Variants in RASL11A observed in about 807,000 individuals in gnomAD.
The protein encoded by RASL11A is ras-like protein family member 11A.
RASL11A carries 14 observed loss-of-function variants against 17.1 expected under a neutral mutation model. That is an observed-to-expected ratio of 0.82 (90% CI 0.54 to 1.28). The LOEUF is 1.28. Among genes scored for constraint, RASL11A ranks in the 50% most tolerant of loss-of-function variants. The pLI is 0.00. For synonymous variants in RASL11A, 146 were observed against 132.5 expected, an observed-to-expected ratio of 1.10 and a Z score of -0.70; for missense variants, 283 against 312.3, an observed-to-expected ratio of 0.91 and a Z score of 0.71.
At chr13:27,272,832 T>G (rs2137926695) in intron 3 of RASL11A, among the ~76,000 whole-genome samples, 195 bp from the exon 4 acceptor site, 1 of 152,270 alleles carries the variant, frequency 6.6e-6, no homozygotes, top group East Asian at 1.9e-4. Flanking sequence ...ATAAAGTAAC[T>G]CAGGCAGGGA....
At chr13:27,272,980 C>G in intron 3 of RASL11A, 47 bp from the exon 4 acceptor site, 1 of 1,490,406 alleles carries the variant, frequency 6.7e-7, no homozygotes, top group South Asian at 1.1e-5. Flanking sequence ...GAGTTTATCT[C>G]CCACTGAGGG....
At chr13:27,272,604 C>A (rs1372494796) in intron 3 of RASL11A, among the ~76,000 whole-genome samples, 1 of 152,224 alleles carries the variant, frequency 6.6e-6, no homozygotes, top group Non-Finnish European at 1.5e-5. Context: ...AAAGGAATTT[C>A]TTTCTGTAAC....
rs752692361 is a variant in RASL11A at position 27,273,243 on chromosome 13, C to G, written c.478C>G (p.Gln160Glu). ...TTTGCATGCCCGGCAGGTGCAGACA[C>G]AGGACGGTATTCAGCTAGCCAATGA... ...DLLHARQVQT[Q>E]DGIQLANELG... Residue 160 changes from glutamine to glutamate, a missense_variant, in exon 4 of 4, where the codon CAG (glutamine) becomes GAG (glutamate). Physicochemically the swap from Gln to Glu is conservative, Grantham distance 29. Transcript: ENST00000241463. The G allele has an allele frequency of 1.5e-5, 25 of 1,614,114 alleles. No homozygotes were observed. The highest frequency in any genetic ancestry group is 2.7e-5 in the African/African-American group (2 of 74,942).
Position 27,273,184 on chromosome 13 carries a change from C to A in RASL11A, c.419C>A (p.Ala140Asp). 6.2e-7 allele frequency: 1 copy of A among 1,614,228 alleles called. No homozygotes were observed. Among genetic ancestry groups the A allele is most frequent in the Non-Finnish European group, 8.5e-7 (1 of 1,180,048 alleles). ...CGGAAGGTCCACCCTGACTCTAAAGCCCCTGTCATCATCGTGGGCAACAAG... is the reference window on the plus strand; with the variant it reads ...CGGAAGGTCCACCCTGACTCTAAAGACCCTGTCATCATCGTGGGCAACAAG... ...HIRKVHPDSK[A>D]PVIIVGNKGD... The change falls in exon 4 of 4, where the codon GCC becomes GAC. Residue 140 changes from alanine to aspartate, a missense_variant. Ala to Asp is a moderately radical substitution (Grantham distance 126, BLOSUM62 -2). Coordinates refer to ENST00000241463, the MANE Select transcript of RASL11A (RefSeq NM_206827.2).
At chr13:27,271,358 G>T in intron 1 of RASL11A, 126 bp from the exon 2 acceptor site, 1 of 1,528,760 alleles carries the variant, frequency 6.5e-7, no homozygotes. Context: ...CCACGGCTTT[G>T]CGGAGCCTCT....
Position 27,271,289 on chromosome 13 carries a change from CG to C in RASL11A, c.125-191del. ...GATCTCGGCGGGATTGGCGCCTGTTCGGGGATGGGGTGCGGGAGAGGTGTCC... is the reference window on the plus strand; with the variant it reads ...GATCTCGGCGGGATTGGCGCCTGTTCGGGATGGGGTGCGGGAGAGGTGTCC... On this transcript the variant is annotated intron_variant, in intron 1 of 3. Coordinates refer to ENST00000241463, the MANE Select transcript of RASL11A (RefSeq NM_206827.2). 6.9e-6 allele frequency: 10 copies of C among 1,449,560 alleles called. No individual in the cohort carries two copies. The South Asian group carries it at 1.0e-4, about 15-fold the overall frequency. The allele number at this position is 1,449,560 out of a possible 1,614,324, so 89.8% of individuals were successfully genotyped here. A position where few individuals can be genotyped will look rare whatever the true frequency, so the allele number is the denominator to read the frequency against.
Position 27,271,049 on chromosome 13 carries a change from C to G in RASL11A, c.105C>G (p.Ala35=). The change falls in exon 1 of 4, where the codon GCC becomes GCG. Residue 35 remains alanine, a synonymous_variant. Transcript: ENST00000241463. ...ACATCAAACTGGCGGTGCTGGGCGCCGGCCGCGTGGGCAAGAGCGGTGAGT... is the reference window on the plus strand; with the variant it reads ...ACATCAAACTGGCGGTGCTGGGCGCGGGCCGCGTGGGCAAGAGCGGTGAGT... ...PKDIKLAVLG[A]GRVGKSAMIV... 1 of 1,577,968 alleles carries G rather than the reference C, an allele frequency of 6.3e-7. No individual in the cohort carries two copies. Among genetic ancestry groups the G allele is most frequent in the Non-Finnish European group, 8.6e-7 (1 of 1,161,848 alleles).
chr13:27,272,949 G>C (rs1882338391), intron 3 of RASL11A, 78 bp from the exon 4 acceptor site: 8 of 1,132,492 alleles, frequency 7.1e-6, no homozygotes, highest in Non-Finnish European at 1.0e-5. Context: ...GTTTCTTCAA[G>C]GGTTGCCTTG....
chr13:27,274,511 A>G lies in RASL11A; in HGVS notation c.*1017A>G, dbSNP rs1882418825. ...ACACACCAGCAGTCAGTCCATTCCA[A>G]CAGATTGTCTTTCTCAGCTGCTCCA... On this transcript the variant is annotated 3_prime_UTR_variant, in exon 4 of 4. Transcript: ENST00000241463. Among the ~76,000 whole-genome samples, 1 of 152,112 alleles carries G rather than the reference A, an allele frequency of 6.6e-6. No individual in the cohort carries two copies. Among genetic ancestry groups the G allele is most frequent in the South Asian group, 2.1e-4 (1 of 4,824 alleles).
Position 27,273,096 on chromosome 13 carries a change from CT to C in RASL11A, c.332del (p.Leu111ArgfsTer55). 2 of 1,614,178 alleles carry C rather than the reference CT, an allele frequency of 1.2e-6. No homozygotes were observed. The highest frequency in any genetic ancestry group is 1.7e-6 in the Non-Finnish European group (2 of 1,180,034). On this transcript the variant is annotated frameshift_variant, in exon 4 of 4. Coordinates refer to ENST00000241463, the MANE Select transcript of RASL11A (RefSeq NM_206827.2). LOFTEE classifies it high-confidence loss of function. ...CGTGCAGTGGGCCGAGGGTTTTCTG[CT>C]GGTCTATTCCATCACAGACTATGAC... ...KCVQWAEGFL[L>X]VYSITDYDSY...
At chr13:27,271,347 A>G (rs1882278361) in intron 1 of RASL11A, 137 bp from the exon 2 acceptor site, 3 of 1,510,600 alleles carry the variant, frequency 2.0e-6, no homozygotes, top group African/African-American at 2.8e-5. Flanking sequence ...AGCCCGCGGC[A>G]CCACGGCTTT....
At position 27,274,851 on chromosome 13, in the gene RASL11A, A is replaced by C. The variant is rs1483283326; in HGVS notation, c.*1357A>C. On this transcript the variant is annotated 3_prime_UTR_variant, in exon 4 of 4. Coordinates refer to ENST00000241463, the MANE Select transcript of RASL11A (RefSeq NM_206827.2). ...AGTGGTAAGTTTTAAGTAAACATAT[A>C]ATGAATAAATGAATGAATGCACCAC... Among the ~76,000 whole-genome samples the C allele has an allele frequency of 2.6e-5, 4 of 152,128 alleles. No homozygotes were observed. The highest frequency in any genetic ancestry group is 9.7e-5 in the African/African-American group (4 of 41,364).
At chr13:27,271,230 C>T in intron 1 of RASL11A, 162 bp downstream of exon 1, 1 of 1,448,216 alleles carries the variant, frequency 6.9e-7, no homozygotes. Flanking sequence ...TCCCGGCCTG[C>T]TTCCCTGGCG....
rs1318643659 is a variant in RASL11A, at chr13:27,274,004, A to G, written c.*510A>G. 6.6e-6 allele frequency among the ~76,000 whole-genome samples: 1 copy of G among 152,086 alleles called. No homozygotes were observed. Among genetic ancestry groups the G allele is most frequent in the Admixed American group, 6.5e-5 (1 of 15,270 alleles). On this transcript the variant is annotated 3_prime_UTR_variant, in exon 4 of 4. Coordinates refer to ENST00000241463, the MANE Select transcript of RASL11A (RefSeq NM_206827.2). ...CCAGTCATGAAATTGACACTGTGTG[A>G]TTTTCAAGGGAAGGGGTACAATGCT...
At chr13:27,271,572 G>A (rs1170284444) in intron 2 of RASL11A, 32 bp downstream of exon 2, 2 of 1,613,668 alleles carry the variant, frequency 1.2e-6, no homozygotes, top group Admixed American at 3.3e-5. Flanking sequence ...CTGCTTTTAT[G>A]CTTGCGTGTT....
rs918738900 is a variant in RASL11A, at chr13:27,273,283, TC to T, written c.520del (p.Glu175LysfsTer22). On this transcript the variant is annotated frameshift_variant, in exon 4 of 4. Transcript: ENST00000241463. LOFTEE classifies it high-confidence loss of function. ...IQLANELGSL[F>X]LEISTSENYE... ...CTAGCCAATGAGCTGGGCAGCCTGT[TC>T]CTTGAAATTTCCACTAGCGAAAACT... The T allele has an allele frequency of 1.2e-6, 2 of 1,614,120 alleles. No individual in the cohort carries two copies. The highest frequency in any genetic ancestry group is 1.3e-5 in the African/African-American group (1 of 74,934).
chr13:27,273,351 G>C lies in RASL11A; in HGVS notation c.586G>C (p.Val196Leu). ...TGTGTTTCAGCATCTCTGCAAAGAA[G>C]TGAGCAAGATGCACGGCCTCAGTGG... The part of the protein sequence containing the change: ...CDVFQHLCKE[V>L]SKMHGLSGER... Residue 196 changes from valine (V) to leucine (L), a missense_variant, in exon 4 of 4, where the codon GTG (valine) becomes CTG (leucine). By Grantham distance (32) the Val-to-Leu change is conservative (BLOSUM62 1). Coordinates refer to ENST00000241463, the MANE Select transcript of RASL11A (RefSeq NM_206827.2). 1 of 1,614,212 alleles carries C rather than the reference G, an allele frequency of 6.2e-7. No individual in the cohort carries two copies. Among genetic ancestry groups the C allele is most frequent in the Non-Finnish European group, 8.5e-7 (1 of 1,180,034 alleles).
At chr13:27,271,441 G>T (rs773227652) in intron 1 of RASL11A, 43 bp from the exon 2 acceptor site, 8 of 1,611,944 alleles carry the variant, frequency 5.0e-6, no homozygotes, top group South Asian at 2.2e-5. Flanking sequence ...GGTTTGACAG[G>T]CTTGTTCTAC....
In RASL11A at chr13:27,274,227, C is replaced by A. The variant is rs1882403995; in HGVS notation, c.*733C>A. Among the ~76,000 whole-genome samples the A allele has an allele frequency of 6.6e-6, 1 of 152,152 alleles. No individual in the cohort carries two copies. The highest frequency in any genetic ancestry group is 6.5e-5 in the Admixed American group (1 of 15,270). ...TCCTCACTCCTGTTTTTCTCTAAAG[C>A]CTCACTGTCCCTTAATCTAGACCTC... On this transcript the variant is annotated 3_prime_UTR_variant, in exon 4 of 4. Coordinates refer to ENST00000241463, the MANE Select transcript of RASL11A (RefSeq NM_206827.2).
Sources: gnomAD v4.1 joint callset for allele counts (sites outside exome capture counted in the v4.1 genomes callset) on GRCh38, gnomAD v4.1.1 for gene constraint, MANE v1.5 for transcripts, NCBI Gene and HGNC (gene_info 2026-07-23, HGNC 2026-07-21) for gene names.